CPED1: variants seen among roughly 807,000 people sequenced by gnomAD.
The protein encoded by CPED1 is cadherin like and PC-esterase domain containing 1.
A neutral mutation model predicts 128.2 loss-of-function variants in CPED1; 114 were observed. The ratio of observed to expected loss-of-function variants is 0.89; its 90% CI spans 0.76 to 1.04. The LOEUF (loss-of-function observed/expected upper bound fraction) is 1.04. Ranked by LOEUF, CPED1 falls within the 50% of genes least tolerant of loss-of-function variation. CPED1 has a pLI of 0.00. For missense variants in CPED1, 1,211 were observed against 1,207.1 expected (o/e 1.00, Z -0.05); for synonymous variants, 462 against 426.7 (o/e 1.08, Z -1.02).
chr7:121,005,349 T>C (rs995483493), intron 2 of CPED1, among the ~76,000 whole-genome samples: 6 of 152,198 alleles, frequency 3.9e-5, no homozygotes, highest in African/African-American at 1.4e-4. Context: ...TTTGGGTTGG[T>C]TCCAAGTCTT....
chr7:121,048,588 G>T lies in CPED1; in HGVS notation c.540+1595G>T, dbSNP rs77663474. ...AAAGTCTCCCTCTGACACCCAGGCT[G>T]GGGTGCAATGGCGTGATCTCACCTC... On this transcript the variant is annotated intron_variant, in intron 4 of 22. Coordinates refer to ENST00000310396, the MANE Select transcript of CPED1 (RefSeq NM_024913.5). 3.3e-3 allele frequency among the ~76,000 whole-genome samples: 501 copies of T among 152,162 alleles called. 1 individual carries two copies. The highest frequency in any genetic ancestry group is 0.011 in the African/African-American group (474 of 41,506).
chr7:121,221,911 G>T (rs954959346), intron 16 of CPED1, among the ~76,000 whole-genome samples: 31 of 152,132 alleles, frequency 2.0e-4, no homozygotes, highest in African/African-American at 7.0e-4. Flanking sequence ...TAGATTGCCT[G>T]TTCACTCTGA....
intron 4 of CPED1, chr7:121,050,969 A>C: frequency 5.8e-6 from 3 of 513,030 alleles, no homozygotes; most frequent in South Asian, 4.5e-5. Context: ...AGATTGGCGC[A>C]GTTGTCAGCT....
chr7:121,266,763 G>A lies in CPED1; in HGVS notation c.2588G>A (p.Trp863Ter). 1 of 1,612,918 alleles carries A rather than the reference G, an allele frequency of 6.2e-7. No homozygotes were observed. The highest frequency in any genetic ancestry group is 1.3e-5 in the African/African-American group (1 of 74,916). ...QTVLVVGGVQ[W>*]LNSNHLQIIH... ...GTATTGGTTGTTGGTGGTGTTCAGT[G>A]GCTTAATTCCAATCACCTGCAAATT... Residue 863 changes from tryptophan (W) to a stop codon, truncating the protein, a stop_gained, in exon 20 of 23, where the codon TGG (tryptophan) becomes TAG (stop). Transcript: ENST00000310396. LOFTEE classifies it high-confidence loss of function.
At chr7:121,246,366 A>G (rs1442692404) in intron 18 of CPED1, among the ~76,000 whole-genome samples, 1 of 152,160 alleles carries the variant, frequency 6.6e-6, no homozygotes, top group East Asian at 1.9e-4. Context: ...ATAACATACA[A>G]TAGACTGGGT....
At chr7:121,173,014 C>G (rs1563054154) in intron 16 of CPED1, among the ~76,000 whole-genome samples, 1 of 152,116 alleles carries the variant, frequency 6.6e-6, no homozygotes, top group Admixed American at 6.6e-5. Flanking sequence ...ATTTGAATTT[C>G]TATCTAGAAG....
intron 16 of CPED1, among the ~76,000 whole-genome samples, chr7:121,189,770 A>T (rs926944588): frequency 6.3e-5 from 4 of 63,088 alleles, no homozygotes; most frequent in African/African-American, 1.8e-4. Context: ...TTATATATAT[A>T]TATATATATA....
At chr7:121,023,304 A>C (rs1365145649) in intron 3 of CPED1, among the ~76,000 whole-genome samples, 2 of 152,118 alleles carry the variant, frequency 1.3e-5, no homozygotes, top group Non-Finnish European at 2.9e-5. Context: ...CTTGAATGCA[A>C]GATTTATTTT....
intron 2 of CPED1, among the ~76,000 whole-genome samples, chr7:121,012,128 G>T (rs1221040073): frequency 1.3e-5 from 2 of 152,130 alleles, no homozygotes; most frequent in Non-Finnish European, 2.9e-5. Flanking sequence ...CCAGATTTTT[G>T]ATTCCCAATC....
chr7:121,095,009 G>A (rs1794667068), intron 5 of CPED1, among the ~76,000 whole-genome samples: 1 of 152,072 alleles, frequency 6.6e-6, no homozygotes, highest in Admixed American at 6.6e-5. Context: ...ATATTATGCG[G>A]GCAGGAAAGC....
Position 121,129,334 on chromosome 7 carries a change from T to TAC in CPED1, c.1408-790_1408-789dup, listed in dbSNP as rs1554438800. Among the ~76,000 whole-genome samples the TAC allele has an allele frequency of 5.8e-4, 74 of 127,826 alleles. 2 individuals are homozygous for TAC. Among genetic ancestry groups the TAC allele is most frequent in the African/African-American group, 1.9e-3 (65 of 34,218 alleles). 83.9% of individuals were successfully genotyped at this position (127,826 alleles called of 152,430 possible). A position where few individuals can be genotyped will look rare whatever the true frequency, so the allele number is the denominator to read the frequency against. On this transcript the variant is annotated intron_variant, in intron 11 of 22. Transcript: ENST00000310396. ...ATACGTATATATATATATATATATA[T>TAC]ACGTATATATATATATACATACATA...
intron 7 of CPED1, among the ~76,000 whole-genome samples, chr7:121,102,577 G>C (rs1260568334): frequency 6.6e-6 from 1 of 152,146 alleles, no homozygotes; most frequent in African/African-American, 2.4e-5. Context: ...AAGGTTGACA[G>C]ACAGTAGGGT....
chr7:121,265,225 T>G (rs1306332362), intron 18 of CPED1, among the ~76,000 whole-genome samples: 1 of 151,980 alleles, frequency 6.6e-6, no homozygotes, highest in African/African-American at 2.4e-5. Flanking sequence ...AAGGGAGGCA[T>G]TAAGAGGATG....
chr7:121,138,926 A>T (rs1795839581), intron 14 of CPED1, among the ~76,000 whole-genome samples: 1 of 152,014 alleles, frequency 6.6e-6, no homozygotes, highest in South Asian at 2.1e-4. Context: ...TATTGTGCTT[A>T]TCTCGGGGTC....
chr7:121,064,362 C>A, intron 5 of CPED1, 49 bp downstream of exon 5: 2 of 1,310,592 alleles, frequency 1.5e-6, no homozygotes, highest in Non-Finnish European at 2.2e-6. Flanking sequence ...GATATGCAGG[C>A]TCCCTTAGCA....
intron 22 of CPED1, among the ~76,000 whole-genome samples, chr7:121,293,567 C>G (rs1453020648): frequency 6.6e-6 from 1 of 152,176 alleles, no homozygotes; most frequent in Non-Finnish European, 1.5e-5. Context: ...AAAAAGCCTC[C>G]TGCAGCTAGC....
intron 16 of CPED1, among the ~76,000 whole-genome samples, chr7:121,145,326 T>C (rs1248672701): frequency 6.6e-6 from 1 of 152,064 alleles, no homozygotes; most frequent in Non-Finnish European, 1.5e-5. Context: ...AAAATGTTAC[T>C]GTAATATCAA....
intron 3 of CPED1, among the ~76,000 whole-genome samples, chr7:121,029,962 A>G (rs950434325): frequency 3.3e-5 from 5 of 152,154 alleles, no homozygotes; most frequent in African/African-American, 1.2e-4. Context: ...TGTTTTAGAG[A>G]ATGATGTTCC....
In CPED1 at chr7:121,251,015, AAG is replaced by A. The variant is rs528207918; in HGVS notation, c.2310+6681_2310+6682del. ...TGGCCTGGCAGAGACACAACAAAAA[AAG>A]AGAATTTTAGACCAATATCCTTGAT... On this transcript the variant is annotated intron_variant, in intron 18 of 22. Transcript: ENST00000310396. Among the ~76,000 whole-genome samples the A allele has an allele frequency of 1.6e-4, 25 of 152,340 alleles. No homozygotes were observed. In the South Asian group the frequency reaches 5.2e-3, roughly 32 times the overall value.
Sources: allele counts gnomAD v4.1 joint callset (sites outside exome capture counted in the v4.1 genomes callset), GRCh38; gene constraint gnomAD v4.1.1; transcripts MANE v1.5; gene names NCBI Gene and HGNC (gene_info 2026-07-23, HGNC 2026-07-21).